The following GXYLT1 variants were observed in gnomAD, a reference collection of about 807,000 sequenced individuals.
GXYLT1 encodes glycosyltransferase 8 domain containing 3.
In GXYLT1, 29 loss-of-function variants were observed where a neutral mutation model predicts 54.0. The ratio of observed to expected loss-of-function variants is 0.54; its 90% CI spans 0.40 to 0.73. The LOEUF is 0.73. Among genes scored for constraint, GXYLT1 ranks in the 30% least tolerant of loss-of-function variants. GXYLT1 has a pLI of 0.00. For synonymous variants in GXYLT1, 176 were observed against 204.1 expected, an observed-to-expected ratio of 0.86 and a Z score of 1.17; for missense variants, 490 against 553.4, an observed-to-expected ratio of 0.89 and a Z score of 1.15.
At position 42,140,930 on chromosome 12, in the gene GXYLT1, T is replaced by C. The variant is rs188938193; in HGVS notation, c.221+3496A>G. Among the ~76,000 whole-genome samples the C allele has an allele frequency of 9.2e-5, 14 of 152,322 alleles. No individual in the cohort carries two copies. In the East Asian group the frequency reaches 2.7e-3, roughly 29 times the overall value. ...GTAACTAAAATGCAACAAAGTGGTA[T>C]GAATTAGTGATGTCCGGTAATAACT... On this transcript the variant is annotated intron_variant, in intron 1 of 7. Transcript: ENST00000398675.
chr12:42,082,166 C>T lies in GXYLT1; in HGVS notation c.*5620G>A, dbSNP rs1176589726. ...ACTATTACTACTCAAAATATTAATA[C>T]ATTTATGCAAAATGATTGAGAAAAT... On this transcript the variant is annotated 3_prime_UTR_variant, in exon 8 of 8. Transcript: ENST00000398675. The T allele has an allele frequency of 1.3e-5, 2 of 152,184 alleles. No individual in the cohort carries two copies. The highest frequency in any genetic ancestry group is 4.8e-5 in the African/African-American group (2 of 41,452). 9.4% of individuals were successfully genotyped at this position (152,184 alleles called of 1,614,324 possible).
At chr12:42,120,770 A>G (rs548950185) in intron 2 of GXYLT1, among the ~76,000 whole-genome samples, 280 of 152,252 alleles carry the variant, frequency 1.8e-3, no homozygotes, top group Non-Finnish European at 3.4e-3. Flanking sequence ...TCCTGGCCTC[A>G]AGGGATCCTC....
chr12:42,127,352 C>T (rs1207665606), intron 2 of GXYLT1, among the ~76,000 whole-genome samples: 1 of 108,804 alleles, frequency 9.2e-6, no homozygotes, highest in African/African-American at 2.9e-5. Flanking sequence ...AAAATGTTTG[C>T]TTTTTTTAAA....
Position 42,097,439 on chromosome 12 carries a change from T to TA in GXYLT1, c.1161+2dup. ...GTTAAAAAAAAGGAAAGGCAAATCTTACATTTCTCAGTGCTTCATAAACAG... is the reference window on the plus strand; with the variant it reads ...GTTAAAAAAAAGGAAAGGCAAATCTTAACATTTCTCAGTGCTTCATAAACAG... On this transcript the variant is annotated splice_region_variant and intron_variant, in intron 7 of 7. Transcript: ENST00000398675. 2 of 1,547,302 alleles carry TA rather than the reference T, an allele frequency of 1.3e-6. No homozygotes were observed. Among genetic ancestry groups the TA allele is most frequent in the Non-Finnish European group, 1.7e-6 (2 of 1,157,320 alleles).
intron 1 of GXYLT1, among the ~76,000 whole-genome samples, chr12:42,139,215 G>A (rs1188780268): frequency 1.3e-5 from 2 of 151,592 alleles, no homozygotes; most frequent in African/African-American, 4.9e-5. Context: ...AAAAAAAAAA[G>A]ATTTCTAAAT....
rs1018635641 is a variant in GXYLT1, at chr12:42,088,018, C to T, written c.1162-71G>A. The T allele has an allele frequency of 5.7e-6, 4 of 697,300 alleles. No homozygotes were observed. In the African/African-American group the frequency reaches 7.5e-5, roughly 13 times the overall value. 43.2% of individuals were successfully genotyped at this position (697,300 alleles called of 1,614,324 possible). ...GTACATATGTAAGTTCAATTATTTTCCAAACTTCTTCAATCAGTTTAATAT... is the reference window on the plus strand; with the variant it reads ...GTACATATGTAAGTTCAATTATTTTTCAAACTTCTTCAATCAGTTTAATAT... On this transcript the variant is annotated intron_variant, in intron 7 of 7. Coordinates refer to ENST00000398675, the MANE Select transcript of GXYLT1 (RefSeq NM_173601.2).
chr12:42,144,390 G>A (rs950822599), intron 1 of GXYLT1, 36 bp downstream of exon 1: 4 of 1,320,230 alleles, frequency 3.0e-6, no homozygotes, highest in South Asian at 1.6e-5. Flanking sequence ...AGCGCCCCGC[G>A]CCCGCCGCGT....
At chr12:42,113,151 C>T (rs11181333) in intron 3 of GXYLT1, among the ~76,000 whole-genome samples, 79,185 of 150,696 alleles carry the variant, frequency 0.53, 21,801 homozygotes, top group South Asian at 0.7. Flanking sequence ...TGGAAAGGAA[C>T]AACCGGTACC....
rs1465328142 is a variant in GXYLT1, at chr12:42,113,568, A to G, written c.487-3877T>C. Among the ~76,000 whole-genome samples, 12 of 151,206 alleles carry G rather than the reference A, an allele frequency of 7.9e-5. No individual in the cohort carries two copies. In the East Asian group the frequency reaches 2.3e-3, roughly 29 times the overall value. ...ACATAATGGTAAACGGATCAATTCA[A>G]CAAGAAGAGCTAACTATCCTAAATA... is the stretch of plus-strand genomic sequence containing the variant. On this transcript the variant is annotated intron_variant, in intron 3 of 7. Transcript: ENST00000398675.
At chr12:42,113,872 G>C (rs1163730173) in intron 3 of GXYLT1, among the ~76,000 whole-genome samples, 4 of 151,036 alleles carry the variant, frequency 2.6e-5, no homozygotes, top group African/African-American at 7.4e-5. Flanking sequence ...TGACCACATA[G>C]TTGGAAGTAA....
chr12:42,103,714 G>C (rs1196573374), intron 5 of GXYLT1, among the ~76,000 whole-genome samples: 1 of 152,016 alleles, frequency 6.6e-6, no homozygotes, highest in Non-Finnish European at 1.5e-5. Flanking sequence ...TTGTAACACA[G>C]GAATAGTAGG....
In GXYLT1 at chr12:42,144,419, C is replaced by A; in HGVS notation, c.221+7G>T. ...GCCGCGTCCCCCACACCGGGAACTG[C>A]CCGTACCTGTCCGACACGCCGGGAT... is the stretch of plus-strand genomic sequence containing the variant. On this transcript the variant is annotated splice_region_variant and intron_variant, in intron 1 of 7. Transcript: ENST00000398675. 1 of 1,307,898 alleles carries A rather than the reference C, an allele frequency of 7.6e-7. No individual in the cohort carries two copies. The highest frequency in any genetic ancestry group is 3.5e-5 in the Admixed American group (1 of 28,960). 81.0% of individuals were successfully genotyped at this position (1,307,898 alleles called of 1,614,324 possible).
Position 42,144,416 on chromosome 12 carries a change from C to T in GXYLT1, c.221+10G>A. The T allele has an allele frequency of 7.4e-7, 1 of 1,342,550 alleles. No homozygotes were observed. The highest frequency in any genetic ancestry group is 9.5e-7 in the Non-Finnish European group (1 of 1,047,130). 83.2% of individuals were successfully genotyped at this position (1,342,550 alleles called of 1,614,324 possible). A position where few individuals can be genotyped will look rare whatever the true frequency, so the allele number is the denominator to read the frequency against. On this transcript the variant is annotated intron_variant, in intron 1 of 7. Coordinates refer to ENST00000398675, the MANE Select transcript of GXYLT1 (RefSeq NM_173601.2). ...CCCGCCGCGTCCCCCACACCGGGAA[C>T]TGCCCGTACCTGTCCGACACGCCGG...
intron 3 of GXYLT1, 86 bp from the exon 4 acceptor site, chr12:42,109,777 G>T: frequency 2.4e-6 from 2 of 847,202 alleles, no homozygotes; most frequent in Non-Finnish European, 3.6e-6. Flanking sequence ...AAACAAAAGA[G>T]CTAAAAATTA....
rs767470384 is a variant in GXYLT1, at chr12:42,085,977, GTT to G, written c.*1807_*1808del. 6 of 150,230 alleles carry G rather than the reference GTT, an allele frequency of 4.0e-5. No homozygotes were observed. Among genetic ancestry groups the G allele is most frequent in the Non-Finnish European group, 7.4e-5 (5 of 67,550 alleles). The allele number at this position is 150,230 out of a possible 1,614,324, so 9.3% of individuals were successfully genotyped here. On this transcript the variant is annotated 3_prime_UTR_variant, in exon 8 of 8. Transcript: ENST00000398675. ...TTTTTAAATTTCTTCATTAAAAATT[GTT>G]TTACAGACTCCCTCCTAGACACAGC... is the stretch of plus-strand genomic sequence containing the variant.
At chr12:42,134,265 G>C (rs2065608026) in intron 1 of GXYLT1, among the ~76,000 whole-genome samples, 1 of 152,126 alleles carries the variant, frequency 6.6e-6, no homozygotes, top group Non-Finnish European at 1.5e-5. Context: ...GACCCTGTCA[G>C]AAACTGCAAT....
chr12:42,126,599 G>A (rs997652768), intron 2 of GXYLT1, among the ~76,000 whole-genome samples: 1 of 152,146 alleles, frequency 6.6e-6, no homozygotes, highest in South Asian at 2.1e-4. Context: ...TTAAGCTCAG[G>A]ATTCAAGATT....
chr12:42,113,928 T>C (rs1327600995), intron 3 of GXYLT1, among the ~76,000 whole-genome samples: 1 of 151,806 alleles, frequency 6.6e-6, no homozygotes, highest in Non-Finnish European at 1.5e-5. Context: ...TAACAAACTG[T>C]CTCTCAGACC....
chr12:42,121,389 T>C (rs1025542457), intron 2 of GXYLT1, among the ~76,000 whole-genome samples: 1 of 152,142 alleles, frequency 6.6e-6, no homozygotes, highest in Non-Finnish European at 1.5e-5. Context: ...TCCAGTACTT[T>C]GGGAGGCCAA....
Sources: allele counts gnomAD v4.1 joint callset (sites outside exome capture counted in the v4.1 genomes callset), GRCh38; gene constraint gnomAD v4.1.1; transcripts MANE v1.5; gene names NCBI Gene and HGNC (gene_info 2026-07-23, HGNC 2026-07-21).